Variants in DCAF6 observed in about 807,000 individuals in gnomAD.
DCAF6 encodes DDB1 and CUL4 associated factor 6.
A neutral mutation model predicts 125.1 loss-of-function variants in DCAF6; 54 were observed. That is an observed-to-expected ratio of 0.43 (90% CI 0.35 to 0.54). The LOEUF is 0.54. DCAF6 is among the 20% of genes least tolerant of loss of function. The probability of loss-of-function intolerance (pLI) is 0.01; values close to 1 mark genes in which losing one functional copy is unlikely to be tolerated. For synonymous variants in DCAF6, 371 were observed against 390.4 expected, an observed-to-expected ratio of 0.95 and a Z score of 0.58; for missense variants, 934 against 1,161.7, an observed-to-expected ratio of 0.80 and a Z score of 2.85.
At chr1:167,944,224 AC>A (rs1672712118) in intron 1 of DCAF6, among the ~76,000 whole-genome samples, 1 of 152,188 alleles carries the variant, frequency 6.6e-6, no homozygotes, top group Non-Finnish European at 1.5e-5. Flanking sequence ...CCATTGATGG[AC>A]ACTTAGGTTG....
chr1:168,018,736 A>G (rs1477718043), intron 11 of DCAF6, among the ~76,000 whole-genome samples: 1 of 152,222 alleles, frequency 6.6e-6, no homozygotes, highest in African/African-American at 2.4e-5. Context: ...CTTGTTTTCT[A>G]GACTTTTAGG....
At chr1:167,971,975 C>T (rs1677388150) in intron 3 of DCAF6, among the ~76,000 whole-genome samples, 1 of 152,144 alleles carries the variant, frequency 6.6e-6, no homozygotes, top group Non-Finnish European at 1.5e-5. Context: ...CGTGCCTTAG[C>T]CTCCCGAGTA....
chr1:167,974,544 A>G (rs1677842835), intron 3 of DCAF6, among the ~76,000 whole-genome samples: 1 of 152,166 alleles, frequency 6.6e-6, no homozygotes, highest in Admixed American at 6.5e-5. Flanking sequence ...ATTTATTGAG[A>G]TTTTATGAGT....
intron 7 of DCAF6, among the ~76,000 whole-genome samples, chr1:168,001,994 A>G (rs1006767164): frequency 6.6e-6 from 1 of 152,176 alleles, no homozygotes; most frequent in African/African-American, 2.4e-5. Context: ...GCAAGTCATA[A>G]AGGGTCGCAA....
the DCAF6 span, among the ~76,000 whole-genome samples, chr1:167,922,007 C>A: frequency 2.6e-5 from 4 of 152,114 alleles, no homozygotes; most frequent in African/African-American, 9.7e-5. Flanking sequence ...TGTTTGAAGG[C>A]ATATGGTCTG....
At chr1:168,035,363 C>T (rs1449220683) in intron 12 of DCAF6, among the ~76,000 whole-genome samples, 1 of 152,200 alleles carries the variant, frequency 6.6e-6, no homozygotes, top group African/African-American at 2.4e-5. Flanking sequence ...GGGAGAATCA[C>T]CTTAGCCTGG....
intron 20 of DCAF6, among the ~76,000 whole-genome samples, chr1:168,067,274 A>G (rs919269555): frequency 2.0e-5 from 3 of 152,226 alleles, no homozygotes; most frequent in African/African-American, 7.2e-5. Context: ...TTGTATACAT[A>G]ATGCTGGGTG....
At chr1:167,935,636 A>G, upstream of DCAF6, 2 of 938,770 alleles carry the variant, frequency 2.1e-6, 1 homozygote, top group South Asian at 2.9e-5. Flanking sequence ...GGGGCTGTGG[A>G]TGCCTCTAGA....
At chr1:167,998,608 T>C (rs1682116273) in intron 7 of DCAF6, 2 of 156,976 alleles carry the variant, frequency 1.3e-5, no homozygotes, top group African/African-American at 2.4e-5. Flanking sequence ...CTATAATAGA[T>C]CCTTTTGTTG....
chr1:168,036,413 CTT>C (rs1687813005), intron 12 of DCAF6, among the ~76,000 whole-genome samples: 1 of 152,096 alleles, frequency 6.6e-6, no homozygotes, highest in Non-Finnish European at 1.5e-5. Flanking sequence ...TCTCTACTGT[CTT>C]TACCTTAAAA....
At chr1:167,884,632 A>G in the DCAF6 span, among the ~76,000 whole-genome samples, 345 of 142,056 alleles carry the variant, frequency 2.4e-3, 4 homozygotes, top group African/African-American at 8.7e-3. Flanking sequence ...ATCCCCCACT[A>G]CCCTTCCCAG....
chr1:168,000,918 G>A (rs202247), intron 7 of DCAF6, among the ~76,000 whole-genome samples: 108 of 152,004 alleles, frequency 7.1e-4, no homozygotes, highest in African/African-American at 2.4e-3. Context: ...TAATGATGAC[G>A]GTTGTACCTC....
chr1:167,917,548 A>C, the DCAF6 span: 1 of 148,394 alleles, frequency 6.7e-6, no homozygotes, highest in African/African-American at 2.5e-5. Context: ...CAGTGAGCCG[A>C]GATTGTGCCA....
At chr1:167,906,455 A>G in the DCAF6 span, among the ~76,000 whole-genome samples, 1 of 152,056 alleles carries the variant, frequency 6.6e-6, no homozygotes, top group Non-Finnish European at 1.5e-5. Context: ...CAAATAAATA[A>G]CTTCAGATAG....
At chr1:168,030,630 A>G (rs1015588977) in intron 12 of DCAF6, among the ~76,000 whole-genome samples, 4 of 152,198 alleles carry the variant, frequency 2.6e-5, no homozygotes, top group Non-Finnish European at 4.4e-5. Flanking sequence ...TGTAGAATAA[A>G]CAGGACTTGG....
upstream of DCAF6, among the ~76,000 whole-genome samples, chr1:167,932,908 T>C (rs1414238121): frequency 6.6e-6 from 1 of 151,906 alleles, no homozygotes; most frequent in African/African-American, 2.4e-5. Flanking sequence ...AGTACAGCTA[T>C]GCAACTGGCT....
At chr1:167,963,501 T>G (rs1675943677) in intron 2 of DCAF6, among the ~76,000 whole-genome samples, 1 of 151,066 alleles carries the variant, frequency 6.6e-6, no homozygotes, top group Admixed American at 6.6e-5. Flanking sequence ...AGTAGAGTGG[T>G]TCAATCTCAG....
chr1:168,062,432 T>G (rs1370421725), intron 17 of DCAF6, among the ~76,000 whole-genome samples: 2 of 152,188 alleles, frequency 1.3e-5, no homozygotes, highest in African/African-American at 4.8e-5. Flanking sequence ...CTTTTTTATG[T>G]GTAAAAACCG....
chr1:167,992,251 T>TCACACACACACACACACA, intron 6 of DCAF6, among the ~76,000 whole-genome samples: 1 of 91,810 alleles, frequency 1.1e-5, no homozygotes, highest in Admixed American at 1.5e-4. Flanking sequence ...AAGGCCAGGA[T>TCACACACACACACACACA]TACACACACA....
Sources: allele counts gnomAD v4.1 joint callset (sites outside exome capture counted in the v4.1 genomes callset), GRCh38; gene constraint gnomAD v4.1.1; transcripts MANE v1.5; gene names NCBI Gene and HGNC (gene_info 2026-07-23, HGNC 2026-07-21).